Variants in ZDHHC17 observed in about 807,000 individuals in gnomAD.
ZDHHC17 encodes the protein palmitoyltransferase ZDHHC17.
Under a neutral mutation model 90.3 loss-of-function variants are expected in ZDHHC17, and 40 were observed. The ratio of observed to expected loss-of-function variants is 0.44; its 90% CI spans 0.34 to 0.58. The LOEUF is 0.58. ZDHHC17 is among the 20% of genes least tolerant of loss of function. The probability of loss-of-function intolerance (pLI) is 0.01; values close to 1 mark genes in which losing one functional copy is unlikely to be tolerated. For missense variants in ZDHHC17, 614 were observed against 780.8 expected, an observed-to-expected ratio of 0.79 and a Z score of 2.55; for synonymous variants, 235 against 252.4, an observed-to-expected ratio of 0.93 and a Z score of 0.65.
chr12:76,831,009 T>G (rs970275763), intron 10 of ZDHHC17, among the ~76,000 whole-genome samples: 5 of 151,288 alleles, frequency 3.3e-5, no homozygotes, highest in African/African-American at 1.2e-4. Context: ...TAGCTTACCC[T>G]ATTTGAATAC....
intron 3 of ZDHHC17, 116 bp from the exon 4 acceptor site, chr12:76,808,927 A>G (rs983587605): frequency 2.8e-5 from 15 of 535,372 alleles, no homozygotes; most frequent in African/African-American, 2.0e-4. Flanking sequence ...TTTATTTTCA[A>G]AGGTTCAAAC....
rs546665421 is a variant in ZDHHC17, at chr12:76,852,598, C to T, written c.*1613C>T. On this transcript the variant is annotated 3_prime_UTR_variant, in exon 17 of 17. Transcript: ENST00000426126. ...TGCAGATTACAGGTATTAAAGCAAT[C>T]TAGTGGTATACCCGCCCCTTGCCTT... is the stretch of plus-strand genomic sequence containing the variant. 6.6e-6 allele frequency: 1 copy of T among 152,590 alleles called. No homozygotes were observed. Among genetic ancestry groups the T allele is most frequent in the African/African-American group, 2.4e-5 (1 of 41,552 alleles). The allele number at this position is 152,590 out of a possible 1,614,324, so 9.5% of individuals were successfully genotyped here. A position where few individuals can be genotyped will look rare whatever the true frequency, so the allele number is the denominator to read the frequency against.
At chr12:76,790,928 A>G (rs1327280458) in intron 1 of ZDHHC17, among the ~76,000 whole-genome samples, 1 of 152,170 alleles carries the variant, frequency 6.6e-6, no homozygotes, top group Non-Finnish European at 1.5e-5. Flanking sequence ...CTAACAATTT[A>G]TTGTATATTT....
At chr12:76,849,857 T>G (rs1368019923) in intron 16 of ZDHHC17, among the ~76,000 whole-genome samples, 3 of 152,136 alleles carry the variant, frequency 2.0e-5, no homozygotes, top group African/African-American at 7.2e-5. Context: ...AAAACAGAGT[T>G]AGTTGGGTAG....
In ZDHHC17 at chr12:76,832,788, G is replaced by A. The variant is rs1055460663; in HGVS notation, c.1141+4298G>A. 4.6e-5 allele frequency among the ~76,000 whole-genome samples: 7 copies of A among 152,156 alleles called. No homozygotes were observed. In the East Asian group the frequency reaches 1.3e-3, roughly 29 times the overall value. On this transcript the variant is annotated intron_variant, in intron 10 of 16. Transcript: ENST00000426126. ...AATCTACACAAAAGCACAACAGCGT[G>A]GCCCTAAATAGACCATGTAAAGGAC...
At chr12:76,805,677 T>C (rs1018783715) in intron 3 of ZDHHC17, among the ~76,000 whole-genome samples, 4 of 152,206 alleles carry the variant, frequency 2.6e-5, no homozygotes, top group Admixed American at 2.0e-4. Context: ...TTCTTAATTC[T>C]TAATATAACC....
chr12:76,809,947 T>C (rs1038728323), intron 5 of ZDHHC17, 90 bp downstream of exon 5: 6 of 1,372,474 alleles, frequency 4.4e-6, no homozygotes, highest in Non-Finnish European at 6.0e-6. Flanking sequence ...AAGCCGTTGA[T>C]ATTTAAATAG....
chr12:76,771,027 C>G (rs575751376), intron 1 of ZDHHC17, among the ~76,000 whole-genome samples: 9 of 151,488 alleles, frequency 5.9e-5, no homozygotes, highest in Non-Finnish European at 1.2e-4. Flanking sequence ...GTAAAATTCT[C>G]TTTCAGCGCA....
chr12:76,778,240 C>G (rs538968754), intron 1 of ZDHHC17, among the ~76,000 whole-genome samples: 1 of 151,864 alleles, frequency 6.6e-6, no homozygotes, highest in African/African-American at 2.4e-5. Flanking sequence ...GATGGAGTCT[C>G]GCTCCCACCC....
chr12:76,820,313 G>T (rs7305217), intron 7 of ZDHHC17, among the ~76,000 whole-genome samples: 90,519 of 151,926 alleles, frequency 0.6, 27,024 homozygotes, highest in East Asian at 0.67. Flanking sequence ...GCAACAACAG[G>T]GGAAACAAAT....
intron 1 of ZDHHC17, among the ~76,000 whole-genome samples, chr12:76,774,421 A>T (rs768931751): frequency 3.3e-5 from 5 of 150,146 alleles, no homozygotes; most frequent in Non-Finnish European, 5.9e-5. Flanking sequence ...GTAGATAAGG[A>T]TGGAGATGAG....
At chr12:76,835,298 G>A (rs1017936390) in intron 10 of ZDHHC17, among the ~76,000 whole-genome samples, 3 of 152,064 alleles carry the variant, frequency 2.0e-5, no homozygotes, top group Non-Finnish European at 4.4e-5. Flanking sequence ...TGATCTACCT[G>A]CTGTGGCCTC....
chr12:76,766,712 A>C (rs776869711), intron 1 of ZDHHC17, among the ~76,000 whole-genome samples: 1 of 152,178 alleles, frequency 6.6e-6, no homozygotes. Context: ...TTTAAGCTTC[A>C]GTTGTAATCA....
intron 10 of ZDHHC17, among the ~76,000 whole-genome samples, chr12:76,837,356 G>T (rs763369855): frequency 2.0e-5 from 3 of 152,146 alleles, no homozygotes; most frequent in Non-Finnish European, 4.4e-5. Context: ...TTAGCCGGGT[G>T]TGGTGGTGCG....
chr12:76,770,324 A>C (rs1240511514), intron 1 of ZDHHC17, among the ~76,000 whole-genome samples: 1 of 152,210 alleles, frequency 6.6e-6, no homozygotes, highest in Non-Finnish European at 1.5e-5. Context: ...AGATGGGCAG[A>C]GGACTTCTTA....
rs770645212 is a variant in ZDHHC17 at position 76,851,666 on chromosome 12, C to T, written c.*681C>T. 1 of 152,692 alleles carries T rather than the reference C, an allele frequency of 6.5e-6. No individual in the cohort carries two copies. The highest frequency in any genetic ancestry group is 1.5e-5 in the Non-Finnish European group (1 of 68,106). 9.5% of individuals were successfully genotyped at this position (152,692 alleles called of 1,614,324 possible). On this transcript the variant is annotated 3_prime_UTR_variant, in exon 17 of 17. Coordinates refer to ENST00000426126, the MANE Select transcript of ZDHHC17 (RefSeq NM_015336.4). ...GGTTTTACGGTCTGATAATGAAGCA[C>T]TTGCATGAGTATAGTAAGTCATGTT...
At chr12:76,842,239 T>C in intron 11 of ZDHHC17, 133 bp downstream of exon 11, 2 of 995,334 alleles carry the variant, frequency 2.0e-6, no homozygotes, top group Non-Finnish European at 2.7e-6. Context: ...AGATTATGTA[T>C]CTTTTATTTG....
intron 8 of ZDHHC17, 22 bp from the exon 9 acceptor site, chr12:76,826,886 C>A: frequency 6.7e-7 from 1 of 1,498,934 alleles, no homozygotes; most frequent in Non-Finnish European, 8.8e-7. Flanking sequence ...AAAAACTTTT[C>A]TAATTTTTTG....
At chr12:76,828,665 T>A (rs906820017) in intron 10 of ZDHHC17, among the ~76,000 whole-genome samples, 175 bp downstream of exon 10, 1 of 152,180 alleles carries the variant, frequency 6.6e-6, no homozygotes, top group African/African-American at 2.4e-5. Flanking sequence ...ATAGGTTGCT[T>A]TTGAAAGCTG....
Sources: gnomAD v4.1 joint callset for allele counts (sites outside exome capture counted in the v4.1 genomes callset) on GRCh38, gnomAD v4.1.1 for gene constraint, MANE v1.5 for transcripts, NCBI Gene and HGNC (gene_info 2026-07-23, HGNC 2026-07-21) for gene names.